The following OTUD7A variants were observed in gnomAD, a reference collection of about 807,000 sequenced individuals.
The protein encoded by OTUD7A is OTU deubiquitinase 7A, also known as OTU domain-containing protein 7A.
Under a neutral mutation model 65.7 loss-of-function variants are expected in OTUD7A, and 12 were observed. The observed-to-expected ratio is 0.18, with a 90% CI of 0.12 to 0.30. The LOEUF is 0.30. OTUD7A is among the 10% of genes least tolerant of loss of function. The pLI, the probability that OTUD7A is intolerant of heterozygous loss-of-function variation, is 1.00. For missense variants in OTUD7A, 1,148 were observed against 1,304.8 expected, an observed-to-expected ratio of 0.88 and a Z score of 1.85; for synonymous variants, 641 against 586.3, an observed-to-expected ratio of 1.09 and a Z score of -1.35.
At chr15:31,593,848 T>C (rs902640742) in intron 3 of OTUD7A, among the ~76,000 whole-genome samples, 1 of 152,294 alleles carries the variant, frequency 6.6e-6, no homozygotes, top group African/African-American at 2.4e-5. Flanking sequence ...ATTCCCCCGA[T>C]GTGTAAGCAA....
At chr15:31,485,143 C>T (rs1251733892) in intron 12 of OTUD7A, among the ~76,000 whole-genome samples, 1 of 152,168 alleles carries the variant, frequency 6.6e-6, no homozygotes, top group East Asian at 1.9e-4. Context: ...GGCCTTCCCC[C>T]ACTGGCAAGG....
At chr15:31,752,973 T>A (rs535747043) in intron 1 of OTUD7A, among the ~76,000 whole-genome samples, 1 of 152,188 alleles carries the variant, frequency 6.6e-6, no homozygotes, top group African/African-American at 2.4e-5. Context: ...GCAGCAGAAG[T>A]GCTCAGAATA....
chr15:31,688,738 A>G (rs1244471766), intron 1 of OTUD7A, among the ~76,000 whole-genome samples: 1 of 152,140 alleles, frequency 6.6e-6, no homozygotes, highest in African/African-American at 2.4e-5. Context: ...GACAAAAAGA[A>G]TCAAACACAC....
chr15:31,647,529 T>G (rs1891712159), intron 3 of OTUD7A, among the ~76,000 whole-genome samples: 1 of 152,194 alleles, frequency 6.6e-6, no homozygotes, highest in African/African-American at 2.4e-5. Context: ...GCTTTCTCAC[T>G]TCCTCAAATC....
intron 3 of OTUD7A, among the ~76,000 whole-genome samples, chr15:31,601,087 A>C (rs541795501): frequency 1.3e-5 from 2 of 152,284 alleles, no homozygotes; most frequent in African/African-American, 4.8e-5. Context: ...CAGGACTTGA[A>C]CTCAGCTCCG....
Position 31,479,665 on chromosome 15 carries a change from G to GC in OTUD7A, c.*3628_*3629insG, listed in dbSNP as rs1159864527. ...AATAAGTTTGTGGACACTAAGTGGG[G>GC]GGGGGGGGTGATGGGCCCATGACCC... is the stretch of plus-strand genomic sequence containing the variant. On this transcript the variant is annotated 3_prime_UTR_variant, in exon 13 of 13. Transcript: ENST00000307050. 1 of 147,554 alleles carries GC rather than the reference G, an allele frequency of 6.8e-6. No homozygotes were observed. 9.1% of individuals were successfully genotyped at this position (147,554 alleles called of 1,614,324 possible).
At chr15:31,594,388 G>A (rs1172490775) in intron 3 of OTUD7A, among the ~76,000 whole-genome samples, 2 of 152,220 alleles carry the variant, frequency 1.3e-5, no homozygotes, top group African/African-American at 4.8e-5. Flanking sequence ...CTGGCTTCCA[G>A]GAGGAGCTTA....
chr15:31,617,276 C>T (rs1015856307), intron 3 of OTUD7A, among the ~76,000 whole-genome samples: 1 of 152,078 alleles, frequency 6.6e-6, no homozygotes, highest in Non-Finnish European at 1.5e-5. Context: ...ATCACGAGGT[C>T]AAGAGATTGA....
At chr15:31,652,222 C>T (rs145579156) in intron 3 of OTUD7A, among the ~76,000 whole-genome samples, 3 of 152,228 alleles carry the variant, frequency 2.0e-5, no homozygotes, top group Admixed American at 6.5e-5. Flanking sequence ...ATTGCAAAGG[C>T]AATTCAATTT....
At chr15:31,788,578 C>T (rs1345137886) in intron 1 of OTUD7A, among the ~76,000 whole-genome samples, 1 of 152,216 alleles carries the variant, frequency 6.6e-6, no homozygotes, top group African/African-American at 2.4e-5. Flanking sequence ...AATGCCCTAA[C>T]CGTCAAGTAG....
chr15:31,635,524 C>T (rs1317293287), intron 3 of OTUD7A, among the ~76,000 whole-genome samples: 3 of 152,222 alleles, frequency 2.0e-5, no homozygotes, highest in Non-Finnish European at 4.4e-5. Flanking sequence ...CCCGACACTG[C>T]CTTGCCGCTG....
At chr15:31,695,089 C>T (rs1180119398) in intron 1 of OTUD7A, among the ~76,000 whole-genome samples, 1 of 152,200 alleles carries the variant, frequency 6.6e-6, no homozygotes, top group African/African-American at 2.4e-5. Context: ...TTGCGATCCG[C>T]CCACCTCGGC....
At chr15:31,655,577 C>G (rs889303271) in intron 2 of OTUD7A, among the ~76,000 whole-genome samples, 2 of 152,036 alleles carry the variant, frequency 1.3e-5, no homozygotes, top group Non-Finnish European at 2.9e-5. Context: ...ATCTATGAAG[C>G]AGGAAATGGG....
chr15:31,485,525 G>T (rs533234834), intron 12 of OTUD7A, among the ~76,000 whole-genome samples: 1 of 152,088 alleles, frequency 6.6e-6, no homozygotes, highest in African/African-American at 2.4e-5. Flanking sequence ...ACCCACTGAT[G>T]AGGTCAACCA....
chr15:31,638,716 A>G (rs1464650250), intron 3 of OTUD7A, among the ~76,000 whole-genome samples: 1 of 152,146 alleles, frequency 6.6e-6, no homozygotes, highest in Admixed American at 6.6e-5. Flanking sequence ...TATATGCACT[A>G]GAAAACCAAA....
At chr15:31,569,966 T>C in intron 4 of OTUD7A, 52 bp downstream of exon 4, 1 of 1,592,784 alleles carries the variant, frequency 6.3e-7, no homozygotes, top group East Asian at 2.2e-5. Flanking sequence ...GCCTGCAAGC[T>C]GCGGTGCACT....
chr15:31,603,687 T>A (rs1255659751), intron 3 of OTUD7A, among the ~76,000 whole-genome samples: 3 of 152,152 alleles, frequency 2.0e-5, no homozygotes, highest in Non-Finnish European at 2.9e-5. Context: ...ATTTTTGTAA[T>A]CTTTCCATCT....
intron 3 of OTUD7A, among the ~76,000 whole-genome samples, chr15:31,644,680 T>C (rs565778214): frequency 6.6e-6 from 1 of 152,260 alleles, no homozygotes; most frequent in Admixed American, 6.5e-5. Context: ...GGTCTTGCTA[T>C]GTTGTTCAGG....
Position 31,733,312 on chromosome 15 carries a change from G to A in OTUD7A, c.-99-76235C>T, listed in dbSNP as rs531153454. On this transcript the variant is annotated intron_variant, in intron 1 of 12. Transcript: ENST00000307050. ...AGTTTGGTCAACTCTGGCTCTTTCCGACCCTCCACCAACACCCCCTCCTTT... is the reference window on the plus strand; with the variant it reads ...AGTTTGGTCAACTCTGGCTCTTTCCAACCCTCCACCAACACCCCCTCCTTT... Among the ~76,000 whole-genome samples the A allele has an allele frequency of 4.6e-5, 7 of 152,198 alleles. No homozygotes were observed. In the South Asian group the frequency reaches 6.2e-4, roughly 14 times the overall value.
Sources: gnomAD v4.1 joint callset for allele counts (sites outside exome capture counted in the v4.1 genomes callset) on GRCh38, gnomAD v4.1.1 for gene constraint, MANE v1.5 for transcripts, NCBI Gene and HGNC (gene_info 2026-07-23, HGNC 2026-07-21) for gene names.